PSD2: variants seen among roughly 807,000 people sequenced by gnomAD.
PSD2 encodes PH and SEC7 domain-containing protein 2.
A neutral mutation model predicts 69.8 loss-of-function variants in PSD2; 38 were observed. The ratio of observed to expected loss-of-function variants is 0.54; its 90% CI spans 0.42 to 0.71. The LOEUF (loss-of-function observed/expected upper bound fraction) is 0.71, where lower values mean the gene tolerates loss of function less well. Ranked by LOEUF, PSD2 falls within the 30% of genes least tolerant of loss-of-function variation. The pLI, the probability that PSD2 is intolerant of heterozygous loss-of-function variation, is 0.00. For synonymous variants in PSD2, 412 were observed against 423.0 expected, an observed-to-expected ratio of 0.97 and a Z score of 0.32; for missense variants, 943 against 1,014.5, an observed-to-expected ratio of 0.93 and a Z score of 0.96.
chr5:139,780,737 C>T, the PSD2 span, among the ~76,000 whole-genome samples: 1 of 152,330 alleles, frequency 6.6e-6, no homozygotes, highest in East Asian at 1.9e-4. Flanking sequence ...AGCCACCATG[C>T]CTGCTGTCCT....
At chr5:139,771,263 C>T in the PSD2 span, among the ~76,000 whole-genome samples, 1 of 152,226 alleles carries the variant, frequency 6.6e-6, no homozygotes, top group African/African-American at 2.4e-5. Context: ...GGCCTGGGGA[C>T]CCGGGGCTGC....
At chr5:139,792,906 CCTT>C (rs1169123786), upstream of PSD2, among the ~76,000 whole-genome samples, 2 of 141,116 alleles carry the variant, frequency 1.4e-5, no homozygotes, top group Admixed American at 7.4e-5. Context: ...TTCCTTCCTT[CCTT>C]CTTTCTTTCT....
intron 6 of PSD2, among the ~76,000 whole-genome samples, chr5:139,822,475 G>C (rs1197181508): frequency 1.3e-5 from 2 of 152,234 alleles, no homozygotes; most frequent in Non-Finnish European, 2.9e-5. Flanking sequence ...TTCAAGGTGA[G>C]TTTGGCCACA....
Position 139,844,125 on chromosome 5 carries a change from C to T in PSD2, c.*1651C>T, listed in dbSNP as rs376843426. On this transcript the variant is annotated 3_prime_UTR_variant, in exon 15 of 15. Coordinates refer to ENST00000274710, the MANE Select transcript of PSD2 (RefSeq NM_032289.4). ...ATGTTCACTTAAATGAAATTGAAAA[C>T]GCCATGTGGCACCACAAAAGAGCTC... 4.6e-5 allele frequency: 7 copies of T among 152,314 alleles called. No individual in the cohort carries two copies. The highest frequency in any genetic ancestry group is 7.2e-5 in the African/African-American group (3 of 41,576). 9.4% of individuals were successfully genotyped at this position (152,314 alleles called of 1,614,324 possible).
chr5:139,833,932 T>C lies in PSD2; in HGVS notation c.1359+141T>C, dbSNP rs58417712. The C allele has an allele frequency of 4.8e-3, 3,357 of 692,608 alleles. 75 individuals carry two copies. Among genetic ancestry groups the C allele is most frequent in the African/African-American group, 0.048 (2,718 of 57,200 alleles). 42.9% of individuals were successfully genotyped at this position (692,608 alleles called of 1,614,324 possible). A position where few individuals can be genotyped will look rare whatever the true frequency, so the allele number is the denominator to read the frequency against. On this transcript the variant is annotated intron_variant, in intron 8 of 14. Coordinates refer to ENST00000274710, the MANE Select transcript of PSD2 (RefSeq NM_032289.4). The stretch of plus-strand genomic sequence containing the variant: ...CCATGATGACAAAGTTAGAAACCAC[T>C]GAGCTCAACATTTGGCTGTTCTGTG...
upstream of PSD2, among the ~76,000 whole-genome samples, chr5:139,793,002 T>C (rs1759446966): frequency 6.6e-6 from 1 of 151,730 alleles, no homozygotes; most frequent in African/African-American, 2.4e-5. Flanking sequence ...GGCTGGAATG[T>C]AGTGGCACGA....
chr5:139,785,324 A>C, the PSD2 span, among the ~76,000 whole-genome samples: 1 of 151,470 alleles, frequency 6.6e-6, no homozygotes, highest in Non-Finnish European at 1.5e-5. Context: ...CCTGGGTTTA[A>C]GCAATCCTCC....
the PSD2 span, among the ~76,000 whole-genome samples, chr5:139,750,648 GCCCCTCCCA>G: frequency 6.6e-6 from 1 of 152,092 alleles, no homozygotes; most frequent in Non-Finnish European, 1.5e-5. Context: ...GGAGGCCCAA[GCCCCTCCCA>G]CCCCTGGCAC....
the PSD2 span, among the ~76,000 whole-genome samples, chr5:139,744,444 C>T: frequency 6.6e-6 from 1 of 152,176 alleles, no homozygotes; most frequent in Non-Finnish European, 1.5e-5. Context: ...GTCCCTGCTG[C>T]CTGGTCCTCA....
Position 139,838,714 on chromosome 5 carries a change from G to C in PSD2, c.1910G>C (p.Ser637Thr), listed in dbSNP as rs1330458282. 1.2e-6 allele frequency: 2 copies of C among 1,613,834 alleles called. No homozygotes were observed. The highest frequency in any genetic ancestry group is 1.7e-6 in the Non-Finnish European group (2 of 1,179,954). ...FSAPAFPAAV[S>T]SMKKFCRPLL... The stretch of plus-strand genomic sequence containing the variant: ...GCCCCGGCCTTCCCAGCCGCTGTCA[G>C]CTCCATGAAGAAGTTCTGTCGGCCC... The change falls in exon 13 of 15, where the codon AGC becomes ACC. Residue 637 changes from serine (S) to threonine (T), a missense_variant. Physicochemically the swap from Ser to Thr is moderately conservative, Grantham distance 58 (BLOSUM62 1). This residue lies in a region of PSD2 where 312 missense variants were observed against 400.7 expected (regional missense o/e 0.78). Coordinates refer to ENST00000274710, the MANE Select transcript of PSD2 (RefSeq NM_032289.4).
chr5:139,838,866 C>T (rs1760804065), intron 13 of PSD2, 94 bp downstream of exon 13: 1 of 1,349,066 alleles, frequency 7.4e-7, no homozygotes, highest in African/African-American at 1.4e-5. Context: ...TGTCTCTAGG[C>T]TGGGTGATCC....
intron 7 of PSD2, 57 bp from the exon 8 acceptor site, chr5:139,833,645 T>A: frequency 7.9e-7 from 1 of 1,272,074 alleles, no homozygotes; most frequent in Non-Finnish European, 1.1e-6. Flanking sequence ...GCAGGGTGTG[T>A]GGGGAACACA....
At chr5:139,793,539 T>C (rs1284750740), upstream of PSD2, among the ~76,000 whole-genome samples, 2 of 152,168 alleles carry the variant, frequency 1.3e-5, no homozygotes, top group Non-Finnish European at 2.9e-5. Context: ...AGGGGGCAGA[T>C]CCAGGGGGCA....
chr5:139,805,124 T>C (rs1362942663), intron 1 of PSD2, among the ~76,000 whole-genome samples: 2 of 152,208 alleles, frequency 1.3e-5, no homozygotes, highest in Non-Finnish European at 2.9e-5. Context: ...CTGTATTGTA[T>C]GTCTGCTGTC....
the PSD2 span, among the ~76,000 whole-genome samples, chr5:139,776,845 C>T: frequency 3.3e-5 from 5 of 152,280 alleles, 1 homozygote; most frequent in Admixed American, 1.3e-4. Flanking sequence ...AGTCCATTCT[C>T]CTGGCCAGCC....
chr5:139,824,718 G>A (rs929735042), intron 7 of PSD2, among the ~76,000 whole-genome samples: 1 of 152,162 alleles, frequency 6.6e-6, no homozygotes, highest in African/African-American at 2.4e-5. Context: ...GTTTCCCCAT[G>A]ATAAAGTGCC....
chr5:139,831,074 T>C (rs1302054545), intron 7 of PSD2, among the ~76,000 whole-genome samples: 2 of 152,158 alleles, frequency 1.3e-5, no homozygotes, highest in Admixed American at 6.5e-5. Flanking sequence ...TTTGGTTTTG[T>C]CAATTTTTGT....
the PSD2 span, among the ~76,000 whole-genome samples, chr5:139,750,754 C>A: frequency 6.6e-6 from 1 of 152,044 alleles, no homozygotes. Context: ...GAAGAGGAAC[C>A]CTTGTGGGGC....
chr5:139,809,721 C>T lies in PSD2; in HGVS notation c.281C>T (p.Ala94Val), dbSNP rs142293471. The part of the protein sequence containing the change: ...GPDLNILEDS[A>V]ESRPWRAGVL... ...GACTTGAACATTCTGGAAGATTCAG[C>T]GGAGTCCAGGCCCTGGAGGGCTGGC... is the stretch of plus-strand genomic sequence containing the variant. The change falls in exon 2 of 15, where the codon GCG (alanine) becomes GTG (valine). Residue 94 changes from alanine to valine, a missense_variant. This residue lies in a region of PSD2 where 466 missense variants were observed against 445.0 expected (regional missense o/e 1.05). Coordinates refer to ENST00000274710, the MANE Select transcript of PSD2 (RefSeq NM_032289.4). 150 of 1,614,212 alleles carry T rather than the reference C, an allele frequency of 9.3e-5. No homozygotes were observed. The highest frequency in any genetic ancestry group is 1.3e-4 in the African/African-American group (10 of 75,064).
Sources: gnomAD v4.1 joint callset for allele counts (sites outside exome capture counted in the v4.1 genomes callset) on GRCh38, gnomAD v4.1.1 for gene constraint, gnomAD v4.1.1 regional missense constraint, MANE v1.5 for transcripts, NCBI Gene and HGNC (gene_info 2026-07-23, HGNC 2026-07-21) for gene names.